CAND1: variants seen among roughly 807,000 people sequenced by gnomAD.
CAND1 encodes cullin-associated NEDD8-dissociated protein 1.
In CAND1, 7 loss-of-function variants were observed where a neutral mutation model predicts 108.5. The ratio of observed to expected loss-of-function variants is 0.06; its 90% CI spans 0.04 to 0.12. The LOEUF (loss-of-function observed/expected upper bound fraction) is 0.12. Ranked by LOEUF, CAND1 falls within the 10% of genes least tolerant of loss-of-function variation. The pLI, the probability that CAND1 is intolerant of heterozygous loss-of-function variation, is 1.00. For synonymous variants in CAND1, 534 were observed against 512.0 expected (o/e 1.04, Z -0.58); for missense variants, 941 against 1,448.7 (o/e 0.65, Z 5.69).
intron 10 of CAND1, 34 bp from the exon 11 acceptor site, chr12:67,307,363 C>T (rs1318110920): frequency 6.8e-7 from 1 of 1,475,264 alleles, no homozygotes. Flanking sequence ...TAGTGGACTA[C>T]ATACCAATAG....
chr12:67,312,166 GA>G (rs1453284984), intron 14 of CAND1, among the ~76,000 whole-genome samples: 5 of 87,666 alleles, frequency 5.7e-5, no homozygotes, highest in Non-Finnish European at 1.4e-4. Flanking sequence ...GAAAAATCAA[GA>G]TTTTTTTTTT....
intron 1 of CAND1, among the ~76,000 whole-genome samples, chr12:67,279,098 A>G (rs541081070): frequency 6.0e-5 from 9 of 149,958 alleles, no homozygotes; most frequent in African/African-American, 2.0e-4. Context: ...TCATCTTCCT[A>G]TTAGGTTTCT....
At chr12:67,306,666 TAAA>T (rs1302449909) in intron 10 of CAND1, 69 bp downstream of exon 10, 4 of 1,175,034 alleles carry the variant, frequency 3.4e-6, no homozygotes, top group South Asian at 1.6e-5. Flanking sequence ...AGACACCTAA[TAAA>T]GAAGTTAAGC....
chr12:67,309,227 A>G (rs1209070364), intron 11 of CAND1, among the ~76,000 whole-genome samples: 2 of 152,024 alleles, frequency 1.3e-5, no homozygotes, highest in Non-Finnish European at 2.9e-5. Flanking sequence ...GACTCCAAAG[A>G]TCTTTGCATT....
At chr12:67,312,167 ATTT>A in intron 14 of CAND1, among the ~76,000 whole-genome samples, 1 of 149,252 alleles carries the variant, frequency 6.7e-6, no homozygotes, top group Non-Finnish European at 1.5e-5. Flanking sequence ...AAAAATCAAG[ATTT>A]TTTTTTTTTT....
Position 67,310,204 on chromosome 12 carries a change from A to G in CAND1, c.3248A>G (p.Lys1083Arg). The change falls in exon 13 of 15, where the codon AAG (lysine) becomes AGG (arginine). Residue 1083 changes from lysine (K) to arginine (R), a missense_variant. Coordinates refer to ENST00000545606, the MANE Select transcript of CAND1 (RefSeq NM_018448.5). ...HTVDDGLDIR[K>R]AAFECMYTLL... Reference sequence around the variant, plus strand: ...GTTGATGATGGTCTGGATATTAGAAAGGCAGCATTTGAGTGTATGTACACA... The same window carrying G: ...GTTGATGATGGTCTGGATATTAGAAGGGCAGCATTTGAGTGTATGTACACA... 1.2e-6 allele frequency: 2 copies of G among 1,613,184 alleles called. No individual in the cohort carries two copies. Among genetic ancestry groups the G allele is most frequent in the Non-Finnish European group, 1.7e-6 (2 of 1,179,334 alleles).
chr12:67,298,501 A>C (rs2044791123), intron 6 of CAND1, among the ~76,000 whole-genome samples: 1 of 152,188 alleles, frequency 6.6e-6, no homozygotes, highest in African/African-American at 2.4e-5. Flanking sequence ...TAGTTGAGAA[A>C]CACAAAGTAT....
Position 67,269,655 on chromosome 12 carries a change from C to G in CAND1, c.-63C>G. 6.9e-7 allele frequency: 1 copy of G among 1,440,954 alleles called. No homozygotes were observed. The highest frequency in any genetic ancestry group is 9.6e-7 in the Non-Finnish European group (1 of 1,043,676). The allele number at this position is 1,440,954 out of a possible 1,614,324, so 89.3% of individuals were successfully genotyped here. On this transcript the variant is annotated 5_prime_UTR_variant, in exon 1 of 15. Transcript: ENST00000545606. ...GGAGGAGCTCCAGTGGCGGCGGCGG[C>G]GGCGGCAGCGGCAGCGGGCAGCAGC...
At chr12:67,290,103 A>G (rs1592611679) in intron 2 of CAND1, among the ~76,000 whole-genome samples, 1 of 152,322 alleles carries the variant, frequency 6.6e-6, no homozygotes, top group Non-Finnish European at 1.5e-5. Flanking sequence ...TGTATAAAGC[A>G]GTTCTTTTTA....
rs1156930715 is a variant in CAND1, at chr12:67,314,179, C to T, written c.*1349C>T. 6.6e-6 allele frequency: 1 copy of T among 152,158 alleles called. No homozygotes were observed. The highest frequency in any genetic ancestry group is 1.5e-5 in the Non-Finnish European group (1 of 68,012). 9.4% of individuals were successfully genotyped at this position (152,158 alleles called of 1,614,324 possible). A position where few individuals can be genotyped will look rare whatever the true frequency, so the allele number is the denominator to read the frequency against. On this transcript the variant is annotated 3_prime_UTR_variant, in exon 15 of 15. Transcript: ENST00000545606. ...CATAGTTTACATGTATTGAAGGAGGCAGTTGTTAAATTGAGTGACCAATTT... is the reference window on the plus strand; with the variant it reads ...CATAGTTTACATGTATTGAAGGAGGTAGTTGTTAAATTGAGTGACCAATTT...
chr12:67,317,846 C>T lies in CAND1; in HGVS notation c.*5016C>T, dbSNP rs1056045771. 5 of 152,256 alleles carry T rather than the reference C, an allele frequency of 3.3e-5. No individual in the cohort carries two copies. The highest frequency in any genetic ancestry group is 7.3e-5 in the Non-Finnish European group (5 of 68,084). The allele number at this position is 152,256 out of a possible 1,614,324, so 9.4% of individuals were successfully genotyped here. A position where few individuals can be genotyped will look rare whatever the true frequency, so the allele number is the denominator to read the frequency against. On this transcript the variant is annotated 3_prime_UTR_variant, in exon 15 of 15. Transcript: ENST00000545606. The stretch of plus-strand genomic sequence containing the variant: ...TGTTTCAGACTATTATATCCAACCA[C>T]CTGCTATACATCTCATAAAGGTATC...
chr12:67,309,833 G>T, intron 11 of CAND1, 68 bp from the exon 12 acceptor site: 2 of 1,080,098 alleles, frequency 1.9e-6, no homozygotes, highest in Non-Finnish European at 2.6e-6. Context: ...TCAACTTAGA[G>T]AAAATATAAT....
At chr12:67,274,317 G>C (rs1152902) in intron 1 of CAND1, among the ~76,000 whole-genome samples, 74,492 of 152,106 alleles carry the variant, frequency 0.49, 19,547 homozygotes, top group Non-Finnish European at 0.59. Context: ...CAGGCATTAA[G>C]TGGCAGAGAA....
intron 2 of CAND1, among the ~76,000 whole-genome samples, chr12:67,283,594 A>AG (rs569913164): frequency 3.9e-4 from 59 of 152,158 alleles, no homozygotes; most frequent in African/African-American, 1.3e-3. Context: ...AAAAAAAAAA[A>AG]AAAAGGTGTT....
intron 8 of CAND1, 79 bp downstream of exon 8, chr12:67,302,694 G>A (rs2044837824): frequency 8.0e-7 from 1 of 1,256,812 alleles, no homozygotes; most frequent in Non-Finnish European, 1.1e-6. Context: ...GGAAAGGTGA[G>A]TTCCAGAATA....
Position 67,282,284 on chromosome 12 carries a change from T to C in CAND1, c.212+231T>C, listed in dbSNP as rs749460418. 18 of 345,354 alleles carry C rather than the reference T, an allele frequency of 5.2e-5. No homozygotes were observed. The East Asian group carries it at 6.8e-4, about 13-fold the overall frequency. 21.4% of individuals were successfully genotyped at this position (345,354 alleles called of 1,614,324 possible). A position where few individuals can be genotyped will look rare whatever the true frequency, so the allele number is the denominator to read the frequency against. On this transcript the variant is annotated intron_variant, in intron 2 of 14. Transcript: ENST00000545606. ...TTTCTTTTAATTCTTACGAAGTGCA[T>C]GTAGGGAACTCCAAAAACAATGGTT...
At chr12:67,303,542 AT>A (rs1162453987) in intron 8 of CAND1, among the ~76,000 whole-genome samples, 1 of 151,940 alleles carries the variant, frequency 6.6e-6, no homozygotes, top group Non-Finnish European at 1.5e-5. Flanking sequence ...AAAGTCAGAC[AT>A]TTTTTTTGTT....
intron 13 of CAND1, chr12:67,310,570 A>C: frequency 3.3e-6 from 1 of 300,550 alleles, no homozygotes; most frequent in Non-Finnish European, 6.2e-6. Flanking sequence ...CCACTTGCTT[A>C]GTGAATAGTC....
chr12:67,284,240 T>A (rs2044646925), intron 2 of CAND1, among the ~76,000 whole-genome samples: 1 of 151,756 alleles, frequency 6.6e-6, no homozygotes. Flanking sequence ...TTTATTTAAA[T>A]TAAATACTGA....
Sources: allele counts gnomAD v4.1 joint callset (sites outside exome capture counted in the v4.1 genomes callset), GRCh38; gene constraint gnomAD v4.1.1; transcripts MANE v1.5; gene names NCBI Gene and HGNC (gene_info 2026-07-23, HGNC 2026-07-21).